Variants in EYS observed in about 807,000 individuals in gnomAD.
EYS encodes the protein EGF-like photoreceptor maintenance factor, also known as protein eyes shut homolog.
A neutral mutation model predicts 282.1 loss-of-function variants in EYS; 250 were observed. The ratio of observed to expected loss-of-function variants is 0.89; its 90% CI spans 0.80 to 0.98. The LOEUF (loss-of-function observed/expected upper bound fraction) is 0.98. Among genes scored for constraint, EYS ranks in the 50% least tolerant of loss-of-function variants. The pLI is 0.00. For missense variants in EYS, 4,016 were observed against 3,709.0 expected, an observed-to-expected ratio of 1.08 and a Z score of -2.15; for synonymous variants, 1,355 against 1,282.9, an observed-to-expected ratio of 1.06 and a Z score of -1.20.
chr6:65,259,192 A>G (rs941934799), intron 12 of EYS, among the ~76,000 whole-genome samples: 1 of 152,118 alleles, frequency 6.6e-6, no homozygotes, highest in Admixed American at 6.6e-5. Context: ...GAAAAGTGAA[A>G]GGAACTGGTG....
intron 33 of EYS, among the ~76,000 whole-genome samples, chr6:64,048,170 T>G (rs1371871010): frequency 6.6e-6 from 1 of 152,172 alleles, no homozygotes; most frequent in Non-Finnish European, 1.5e-5. Context: ...CCTCCCAAAG[T>G]GCTGGGATTA....
intron 29 of EYS, among the ~76,000 whole-genome samples, chr6:64,323,484 T>C (rs1770294286): frequency 1.3e-5 from 2 of 152,156 alleles, no homozygotes; most frequent in Non-Finnish European, 2.9e-5. Flanking sequence ...TGATGTTTCA[T>C]GTACAGATTT....
intron 22 of EYS, among the ~76,000 whole-genome samples, chr6:64,786,110 CAGGTTTTACAATG>C (rs1223627278): frequency 6.6e-6 from 1 of 151,426 alleles, no homozygotes; most frequent in Non-Finnish European, 1.5e-5. Flanking sequence ...GAATATAACT[CAGGTTTTACAATG>C]AGCCCATCTA....
intron 31 of EYS, among the ~76,000 whole-genome samples, chr6:64,125,573 C>T (rs1227685847): frequency 6.6e-6 from 1 of 151,798 alleles, no homozygotes; most frequent in East Asian, 2.0e-4. Context: ...ATCGTGAGGT[C>T]AGGGGATCAA....
chr6:64,456,119 T>G (rs1284445572), intron 26 of EYS, among the ~76,000 whole-genome samples: 1 of 152,110 alleles, frequency 6.6e-6, no homozygotes, highest in African/African-American at 2.4e-5. Flanking sequence ...TTTAGCTTCT[T>G]TAAACAAATT....
intron 22 of EYS, among the ~76,000 whole-genome samples, chr6:64,642,509 T>C (rs1768192454): frequency 6.6e-6 from 1 of 152,218 alleles, no homozygotes; most frequent in Admixed American, 6.5e-5. Context: ...ATGAGAGATA[T>C]GACATAGCCC....
intron 18 of EYS, among the ~76,000 whole-genome samples, chr6:64,897,054 T>C (rs1340985555): frequency 1.3e-5 from 2 of 152,170 alleles, no homozygotes; most frequent in Non-Finnish European, 1.5e-5. Flanking sequence ...ACATTCCTGC[T>C]TGCCAGCTCT....
intron 26 of EYS, among the ~76,000 whole-genome samples, chr6:64,474,442 A>G (rs1776206694): frequency 6.6e-6 from 1 of 152,176 alleles, no homozygotes; most frequent in Non-Finnish European, 1.5e-5. Flanking sequence ...GTTCATAAAG[A>G]TTATTGCTTA....
At chr6:64,964,058 A>G (rs1770016517) in intron 14 of EYS, among the ~76,000 whole-genome samples, 1 of 152,016 alleles carries the variant, frequency 6.6e-6, no homozygotes, top group Non-Finnish European at 1.5e-5. Context: ...CCTTACATCT[A>G]TAACTTCTCA....
intron 26 of EYS, among the ~76,000 whole-genome samples, chr6:64,547,376 G>T (rs1339418202): frequency 6.6e-6 from 1 of 152,094 alleles, no homozygotes; most frequent in African/African-American, 2.4e-5. Flanking sequence ...GGTGCTGACT[G>T]GTGCGTTTGC....
intron 8 of EYS, among the ~76,000 whole-genome samples, chr6:65,368,620 G>T (rs1249180860): frequency 6.6e-6 from 1 of 151,580 alleles, no homozygotes; most frequent in African/African-American, 2.4e-5. Context: ...CCAAGTAAAA[G>T]CACATTGTTG....
intron 30 of EYS, among the ~76,000 whole-genome samples, chr6:64,241,738 T>A (rs1323563927): frequency 6.6e-6 from 1 of 151,840 alleles, no homozygotes. Context: ...TCTGCTAGCT[T>A]TTGAATTTGT....
Position 64,154,341 on chromosome 6 carries a change from G to A in EYS, c.6425-72339C>T, listed in dbSNP as rs191164943. Among the ~76,000 whole-genome samples, 22 of 151,000 alleles carry A rather than the reference G, an allele frequency of 1.5e-4. No individual in the cohort carries two copies. The East Asian group carries it at 4.0e-3, about 27-fold the overall frequency. On this transcript the variant is annotated intron_variant, in intron 31 of 42. Transcript: ENST00000503581. ...TGTAGTCCCAGCTACTTGGGAGGCT[G>A]AGCCAGGAGAATTGCCTGAACCCAG...
intron 2 of EYS, among the ~76,000 whole-genome samples, chr6:65,575,118 C>T (rs1366933428): frequency 6.6e-6 from 1 of 151,874 alleles, no homozygotes; most frequent in Non-Finnish European, 1.5e-5. Context: ...GTCAGGAGTT[C>T]GAGACCAGCC....
At chr6:63,945,863 C>T (rs1189664981) in intron 35 of EYS, among the ~76,000 whole-genome samples, 1 of 152,200 alleles carries the variant, frequency 6.6e-6, no homozygotes, top group Non-Finnish European at 1.5e-5. Context: ...ACCTCAATAA[C>T]TCACACTATC....
intron 22 of EYS, among the ~76,000 whole-genome samples, chr6:64,728,277 G>A: frequency 6.6e-6 from 1 of 151,944 alleles, no homozygotes; most frequent in Middle Eastern, 3.4e-3. Context: ...AAAAAAAAAT[G>A]TAAACTAATA....
At chr6:65,038,465 C>A (rs768778845) in intron 13 of EYS, among the ~76,000 whole-genome samples, 1 of 151,296 alleles carries the variant, frequency 6.6e-6, no homozygotes, top group Non-Finnish European at 1.5e-5. Flanking sequence ...ATCACTAGGT[C>A]CTTATTTATT....
intron 22 of EYS, among the ~76,000 whole-genome samples, chr6:64,628,066 C>A (rs542387556): frequency 1.3e-5 from 2 of 152,170 alleles, no homozygotes; most frequent in East Asian, 1.9e-4. Context: ...GGCGACAGTG[C>A]GAGACTCCGT....
intron 12 of EYS, among the ~76,000 whole-genome samples, chr6:65,086,953 G>T (rs1200765203): frequency 1.3e-5 from 2 of 151,892 alleles, no homozygotes; most frequent in East Asian, 3.9e-4. Flanking sequence ...CCCCTGAGTA[G>T]CTGGGACTAC....
Sources: allele counts gnomAD v4.1 joint callset (sites outside exome capture counted in the v4.1 genomes callset), GRCh38; gene constraint gnomAD v4.1.1; transcripts MANE v1.5; gene names NCBI Gene and HGNC (gene_info 2026-07-23, HGNC 2026-07-21).